Variants in LILRA2 observed in about 807,000 individuals in gnomAD.
LILRA2 encodes leukocyte immunoglobulin like receptor A2.
A neutral mutation model predicts 47.9 loss-of-function variants in LILRA2; 45 were observed. That is an observed-to-expected ratio of 0.94 (90% confidence interval 0.74 to 1.20). The LOEUF (loss-of-function observed/expected upper bound fraction) is 1.20. Among genes scored for constraint, LILRA2 ranks in the 50% most tolerant of loss-of-function variants. The pLI, the probability that LILRA2 is intolerant of heterozygous loss-of-function variation, is 0.00. For synonymous variants in LILRA2, 279 were observed against 249.2 expected (o/e 1.12, Z -1.13); for missense variants, 651 against 598.2 (o/e 1.09, Z -0.92).
chr19:54,574,669 A>C, intron 3 of LILRA2, 62 bp from the exon 4 acceptor site: 2 of 1,600,250 alleles, frequency 1.2e-6, no homozygotes, highest in Non-Finnish European at 1.7e-6. Flanking sequence ...CTCACAGCTC[A>C]ACCCTGGGGA....
In LILRA2 at chr19:54,574,401, G is replaced by A. The variant is rs752445894; in HGVS notation, c.171G>A (p.Glu57=). The A allele has an allele frequency of 1.9e-6, 3 of 1,614,156 alleles. No individual in the cohort carries two copies. The highest frequency in any genetic ancestry group is 2.2e-5 in the East Asian group (1 of 44,886). ...LRCQGSLQAE[E]YHLYRENKSA... ...GTCAGGGGAGCCTTCAGGCTGAGGAGTACCATCTATATAGGGAAAACAAAT... is the reference window on the plus strand; with the variant it reads ...GTCAGGGGAGCCTTCAGGCTGAGGAATACCATCTATATAGGGAAAACAAAT... Residue 57 remains glutamate (E), a synonymous_variant, in exon 3 of 8, where the codon GAG becomes GAA. Coordinates refer to ENST00000391738, the MANE Select transcript of LILRA2 (RefSeq NM_001130917.3).
rs1568501038 is a variant in LILRA2 at position 54,574,063 on chromosome 19, A to T, written c.35-13A>T. On this transcript the variant is annotated splice_polypyrimidine_tract_variant and intron_variant, in intron 1 of 7. Coordinates refer to ENST00000391738, the MANE Select transcript of LILRA2 (RefSeq NM_001130917.3). The stretch of plus-strand genomic sequence containing the variant: ...TTCAGGGGAAAAATCCCTCACAGGG[A>T]ACTCTCTTCCAGGGCTGAGTCTGGG... 1 of 1,614,150 alleles carries T rather than the reference A, an allele frequency of 6.2e-7. No individual in the cohort carries two copies. The highest frequency in any genetic ancestry group is 8.5e-7 in the Non-Finnish European group (1 of 1,180,024).
At chr19:54,573,621 C>G, upstream of LILRA2, 1 of 818,388 alleles carries the variant, frequency 1.2e-6, no homozygotes, top group Non-Finnish European at 1.9e-6. Flanking sequence ...ACCAGACAGA[C>G]AGTGGCTGGG....
In LILRA2 at chr19:54,574,983, C is replaced by A; in HGVS notation, c.605C>A (p.Ser202Tyr). 1 of 1,614,248 alleles carries A rather than the reference C, an allele frequency of 6.2e-7. No individual in the cohort carries two copies. The highest frequency in any genetic ancestry group is 1.3e-5 in the African/African-American group (1 of 75,084). ...AGGTGCTATGCTTATGACTCGAACT[C>A]TCCCTATGTGTGGTCTCTACCCAGT... Reference protein sequence around the residue: ...SYRCYAYDSNSPYVWSLPSDL... With the variant: ...SYRCYAYDSNYPYVWSLPSDL... The change falls in exon 4 of 8, where the codon TCT (serine) becomes TAT (tyrosine). Residue 202 changes from serine (S) to tyrosine (Y), a missense_variant. Coordinates refer to ENST00000391738, the MANE Select transcript of LILRA2 (RefSeq NM_001130917.3).
chr19:54,574,674 T>A, intron 3 of LILRA2, 57 bp from the exon 4 acceptor site: 2 of 1,601,748 alleles, frequency 1.2e-6, no homozygotes, highest in Non-Finnish European at 1.7e-6. Context: ...AGCTCAACCC[T>A]GGGGATGATG....
chr19:54,585,896 T>A (rs546534781), intron 6 of LILRA2, among the ~76,000 whole-genome samples: 9 of 152,330 alleles, frequency 5.9e-5, no homozygotes, highest in African/African-American at 2.2e-4. Context: ...TCGACCATCT[T>A]GGAAGCGACA....
rs775475963 is a variant in LILRA2 at position 54,587,247 on chromosome 19, C to G, written c.1353C>G (p.Ile451Met). Reference protein sequence around the residue: ...HPQDYTVENLIRMGVAGLVLV... With the variant: ...HPQDYTVENLMRMGVAGLVLV... ...AGGATTACACAGTGGAGAATCTCATCCGCATGGGTGTGGCTGGCTTGGTCC... is the reference window on the plus strand; with the variant it reads ...AGGATTACACAGTGGAGAATCTCATGCGCATGGGTGTGGCTGGCTTGGTCC... Residue 451 changes from isoleucine (I) to methionine (M), a missense_variant, in exon 8 of 8, where the codon ATC (isoleucine) becomes ATG (methionine). Physicochemically the swap from Ile to Met is conservative, Grantham distance 10. Transcript: ENST00000391738. 6.2e-7 allele frequency: 1 copy of G among 1,614,120 alleles called. No individual in the cohort carries two copies. The highest frequency in any genetic ancestry group is 2.2e-5 in the East Asian group (1 of 44,874).
upstream of LILRA2, chr19:54,573,746 G>A (rs1167862144): frequency 2.5e-5 from 39 of 1,566,254 alleles, no homozygotes; most frequent in Non-Finnish European, 3.3e-5. Flanking sequence ...TGCACTTCCT[G>A]TGTGGTTGCA....
At chr19:54,583,244 G>A (rs987226294) in intron 6 of LILRA2, among the ~76,000 whole-genome samples, 3 of 152,226 alleles carry the variant, frequency 2.0e-5, no homozygotes, top group African/African-American at 7.2e-5. Flanking sequence ...TGAGAAGAAT[G>A]TGTATTCTGT....
chr19:54,585,336 T>A (rs943653479), intron 6 of LILRA2, among the ~76,000 whole-genome samples: 1 of 152,290 alleles, frequency 6.6e-6, no homozygotes, highest in East Asian at 1.9e-4. Context: ...CAGGGACGTT[T>A]AAGTCTGCAG....
intron 6 of LILRA2, among the ~76,000 whole-genome samples, chr19:54,576,684 G>A (rs73612423): frequency 0.011 from 1,653 of 151,668 alleles, 1 homozygote; most frequent in African/African-American, 0.038. Context: ...ATTGATGAGC[G>A]GAGCAGAGGG....
chr19:54,587,053 C>T lies in LILRA2; in HGVS notation c.1299C>T (p.Ser433=). The change falls in exon 7 of 8, where the codon TCC becomes TCT. Residue 433 remains serine (S), a synonymous_variant. Transcript: ENST00000391738. ...GCCCATCACAAAACAAGACAGACTC[C>T]ACGACTAGTGAGTGAGGAGATGCTC... ...TLSPSQNKTD[S]TTTSLGQHPQ... is the part of the protein sequence containing the mutation. The T allele has an allele frequency of 6.2e-7, 1 of 1,613,596 alleles. No homozygotes were observed. Among genetic ancestry groups the T allele is most frequent in the Non-Finnish European group, 8.5e-7 (1 of 1,179,612 alleles).
rs146068077 is a variant in LILRA2, at chr19:54,575,844, G to A, written c.990G>A (p.Pro330=). The A allele has an allele frequency of 1.5e-4, 239 of 1,609,990 alleles. 1 individual carries two copies. The highest frequency in any genetic ancestry group is 1.1e-3 in the African/African-American group (84 of 73,828). Reference sequence around the variant, plus strand: ...ACAGACCCTCTCTCTCGGTGCAGCCGGTCCCCACAGTAGCCCCAGGAAAGA... The same window carrying A: ...ACAGACCCTCTCTCTCGGTGCAGCCAGTCCCCACAGTAGCCCCAGGAAAGA... The part of the protein sequence containing the change: ...FYDRPSLSVQ[P]VPTVAPGKNV... Residue 330 remains proline (P), a synonymous_variant, in exon 6 of 8, where the codon CCG becomes CCA. Transcript: ENST00000391738.
intron 6 of LILRA2, among the ~76,000 whole-genome samples, chr19:54,581,772 A>G (rs1600227160): frequency 6.7e-6 from 1 of 149,582 alleles, no homozygotes. Context: ...TGCCATCCCC[A>G]TCAAGCTACC....
chr19:54,577,940 G>A (rs912807928), intron 6 of LILRA2, among the ~76,000 whole-genome samples: 1 of 151,756 alleles, frequency 6.6e-6, no homozygotes, highest in Non-Finnish European at 1.5e-5. Flanking sequence ...TACATTCAAT[G>A]TAGAAACAAA....
At chr19:54,574,054 C>T in intron 1 of LILRA2, 22 bp from the exon 2 acceptor site, 1 of 1,612,764 alleles carries the variant, frequency 6.2e-7, no homozygotes. Flanking sequence ...GGAAAAATCC[C>T]TCACAGGGAA....
Position 54,574,059 on chromosome 19 carries a change from A to T in LILRA2, c.35-17A>T, listed in dbSNP as rs199552794. Reference sequence around the variant, plus strand: ...AGGCTTCAGGGGAAAAATCCCTCACAGGGAACTCTCTTCCAGGGCTGAGTC... The same window carrying T: ...AGGCTTCAGGGGAAAAATCCCTCACTGGGAACTCTCTTCCAGGGCTGAGTC... On this transcript the variant is annotated splice_polypyrimidine_tract_variant and intron_variant, in intron 1 of 7. Transcript: ENST00000391738. 5.6e-5 allele frequency: 91 copies of T among 1,613,294 alleles called. No individual in the cohort carries two copies. The highest frequency in any genetic ancestry group is 7.5e-5 in the Non-Finnish European group (88 of 1,179,834).
At chr19:54,577,746 T>TCC (rs2062515319) in intron 6 of LILRA2, 1 of 1,196,284 alleles carries the variant, frequency 8.4e-7, no homozygotes, top group East Asian at 6.2e-5. Context: ...AGCACGTCTT[T>TCC]CTGTTTAACT....
rs892002271 is a variant in LILRA2 at position 54,575,455 on chromosome 19, G to A, written c.855G>A (p.Val285=). 3 of 1,613,742 alleles carry A rather than the reference G, an allele frequency of 1.9e-6. No homozygotes were observed. The highest frequency in any genetic ancestry group is 1.7e-6 in the Non-Finnish European group (2 of 1,179,976). ...LSQANFTLGP[V]SPSHGGQYRC... Reference sequence around the variant, plus strand: ...AGGCCAACTTCACCCTGGGCCCTGTGAGCCCCTCCCACGGGGGCCAGTACA... The same window carrying A: ...AGGCCAACTTCACCCTGGGCCCTGTAAGCCCCTCCCACGGGGGCCAGTACA... Residue 285 remains valine, a synonymous_variant, in exon 5 of 8, where the codon GTG becomes GTA. Transcript: ENST00000391738.
Sources: gnomAD v4.1 joint callset for allele counts (sites outside exome capture counted in the v4.1 genomes callset) on GRCh38, gnomAD v4.1.1 for gene constraint, MANE v1.5 for transcripts, NCBI Gene and HGNC (gene_info 2026-07-23, HGNC 2026-07-21) for gene names.